The following RGS7 variants were observed in gnomAD, a reference collection of about 807,000 sequenced individuals.
RGS7 encodes the protein regulator of G protein signaling 7.
RGS7 carries 27 observed loss-of-function variants against 81.1 expected under a neutral mutation model. That is an observed-to-expected ratio of 0.33 (90% CI 0.25 to 0.46). The LOEUF (loss-of-function observed/expected upper bound fraction) is 0.46, where lower values mean the gene tolerates loss of function less well. Among genes scored for constraint, RGS7 ranks in the 20% least tolerant of loss-of-function variants. The pLI, the probability that RGS7 is intolerant of heterozygous loss-of-function variation, is 1.00. For missense variants in RGS7, 396 were observed against 607.4 expected (o/e 0.65, Z 3.66); for synonymous variants, 208 against 207.7 (o/e 1.00, Z -0.01).
At chr1:240,791,096 C>CA (rs1320150075) in intron 18 of RGS7, among the ~76,000 whole-genome samples, 2 of 152,150 alleles carry the variant, frequency 1.3e-5, no homozygotes, top group Non-Finnish European at 1.5e-5. Flanking sequence ...CTCAAAGAGG[C>CA]AAAAAACTGA....
At chr1:241,202,281 T>C (rs1318626814) in intron 2 of RGS7, among the ~76,000 whole-genome samples, 1 of 150,912 alleles carries the variant, frequency 6.6e-6, no homozygotes, top group Non-Finnish European at 1.5e-5. Flanking sequence ...AGCTCACCTA[T>C]GAAACAAACA....
At chr1:241,255,662 C>T (rs1405405895) in intron 2 of RGS7, among the ~76,000 whole-genome samples, 1 of 152,140 alleles carries the variant, frequency 6.6e-6, no homozygotes, top group East Asian at 1.9e-4. Flanking sequence ...AATGTGCTTC[C>T]TTCTTTAGAT....
intron 3 of RGS7, among the ~76,000 whole-genome samples, chr1:240,989,729 G>C (rs932818613): frequency 6.6e-6 from 1 of 152,062 alleles, no homozygotes. Context: ...TATCTATTAA[G>C]ATTAATATAA....
At chr1:241,171,884 C>T (rs6429250) in intron 2 of RGS7, among the ~76,000 whole-genome samples, 3 of 152,098 alleles carry the variant, frequency 2.0e-5, no homozygotes, top group African/African-American at 7.2e-5. Context: ...TCAGAGCTAA[C>T]GCATCCTGTG....
intron 6 of RGS7, among the ~76,000 whole-genome samples, chr1:240,890,529 T>C (rs1008024707): frequency 2.0e-5 from 3 of 152,106 alleles, no homozygotes; most frequent in Admixed American, 6.5e-5. Context: ...AAAATAAGTA[T>C]TGCTTAAAGT....
At chr1:241,356,810 C>G (rs1228396611) in intron 1 of RGS7, 89 bp downstream of exon 1, 2 of 150,194 alleles carry the variant, frequency 1.3e-5, no homozygotes, top group African/African-American at 4.9e-5. Context: ...CGGACGCTCC[C>G]GCTGCGCAGA....
chr1:241,071,890 A>AAAAAAAAAAAAAAAAAAAAAG (rs2062484869), intron 3 of RGS7, among the ~76,000 whole-genome samples: 2 of 149,764 alleles, frequency 1.3e-5, no homozygotes, highest in East Asian at 1.9e-4. Flanking sequence ...AAAAAAAAAA[A>AAAAAAAAAAAAAAAAAAAAAG]AAAAACAAGA....
In RGS7 at chr1:241,146,770, A is replaced by G. The variant is rs78259840; in HGVS notation, c.79-48008T>C. ...AGTGTCTTATACACAACAGGAATGT[A>G]TTGCTCACAGTTCTGGAGGCTGGGA... On this transcript the variant is annotated intron_variant, in intron 2 of 18. Transcript: ENST00000440928. Among the ~76,000 whole-genome samples the G allele has an allele frequency of 9.0e-3, 1,367 of 152,312 alleles. 28 individuals are homozygous for G. The highest frequency in any genetic ancestry group is 0.059 in the East Asian group (307 of 5,182).
chr1:240,991,848 T>C (rs1162746824), intron 3 of RGS7, among the ~76,000 whole-genome samples: 3 of 152,290 alleles, frequency 2.0e-5, no homozygotes, highest in African/African-American at 4.8e-5. Flanking sequence ...ATAAAGAAAA[T>C]CCTAGTGGAT....
chr1:241,087,276 A>T (rs2063503367), intron 3 of RGS7, among the ~76,000 whole-genome samples: 1 of 152,234 alleles, frequency 6.6e-6, no homozygotes, highest in African/African-American at 2.4e-5. Context: ...TATACTGTGA[A>T]TAAAATAATT....
intron 5 of RGS7, among the ~76,000 whole-genome samples, chr1:240,932,733 C>T (rs1675713945): frequency 6.6e-6 from 1 of 151,014 alleles, no homozygotes; most frequent in East Asian, 2.0e-4. Flanking sequence ...TGGTCTCGAT[C>T]TCCTGACCTC....
intron 9 of RGS7, 65 bp from the exon 10 acceptor site, chr1:240,827,237 A>G: frequency 7.8e-7 from 1 of 1,283,134 alleles, no homozygotes; most frequent in Non-Finnish European, 1.1e-6. Context: ...CAGGACAATC[A>G]TGAATGGCTC....
intron 2 of RGS7, among the ~76,000 whole-genome samples, chr1:241,247,807 T>C (rs1018337671): frequency 6.6e-6 from 1 of 152,182 alleles, no homozygotes; most frequent in African/African-American, 2.4e-5. Flanking sequence ...AAAATGAATG[T>C]ATTAATGTCT....
At chr1:240,829,657 T>A (rs964536100) in intron 9 of RGS7, among the ~76,000 whole-genome samples, 1 of 152,104 alleles carries the variant, frequency 6.6e-6, no homozygotes, top group African/African-American at 2.4e-5. Context: ...CAGTGCCAGG[T>A]GCAGTGGCTT....
chr1:241,098,870 G>A, intron 2 of RGS7, 108 bp from the exon 3 acceptor site: 1 of 760,744 alleles, frequency 1.3e-6, no homozygotes, highest in East Asian at 2.7e-5. Flanking sequence ...TAAGAACAAT[G>A]CCGTATTCTT....
At chr1:241,105,460 C>T (rs781225607) in intron 2 of RGS7, among the ~76,000 whole-genome samples, 3 of 152,128 alleles carry the variant, frequency 2.0e-5, no homozygotes, top group Non-Finnish European at 4.4e-5. Context: ...AGTTCCCGCC[C>T]GAACACTTGG....
chr1:241,157,522 G>A (rs1262110120), intron 2 of RGS7, among the ~76,000 whole-genome samples: 1 of 152,140 alleles, frequency 6.6e-6, no homozygotes, highest in African/African-American at 2.4e-5. Flanking sequence ...GTAAAAATGT[G>A]TATCAAAGGA....
chr1:241,253,027 A>G (rs2076906854), intron 2 of RGS7, among the ~76,000 whole-genome samples: 1 of 152,240 alleles, frequency 6.6e-6, no homozygotes, highest in Non-Finnish European at 1.5e-5. Context: ...GTGTGCCTTG[A>G]GACAGAGTTC....
At chr1:241,329,810 A>G (rs1201661745) in intron 2 of RGS7, among the ~76,000 whole-genome samples, 1 of 152,162 alleles carries the variant, frequency 6.6e-6, no homozygotes, top group African/African-American at 2.4e-5. Flanking sequence ...CTGCTGGTGG[A>G]TGGATCATAG....
Sources: allele counts gnomAD v4.1 joint callset (sites outside exome capture counted in the v4.1 genomes callset), GRCh38; gene constraint gnomAD v4.1.1; transcripts MANE v1.5; gene names NCBI Gene and HGNC (gene_info 2026-07-23, HGNC 2026-07-21).